KCNQ5: variants seen among roughly 807,000 people sequenced by gnomAD.
The protein encoded by KCNQ5 is potassium voltage-gated channel subfamily Q member 5, also known as potassium voltage-gated channel subfamily KQT member 5.
KCNQ5 carries 30 observed loss-of-function variants against 98.2 expected under a neutral mutation model. The observed-to-expected ratio is 0.31, with a 90% CI of 0.23 to 0.41. The LOEUF is 0.41. KCNQ5 is among the 10% of genes least tolerant of loss of function. KCNQ5 has a pLI of 1.00. For missense variants in KCNQ5, 835 were observed against 1,182.5 expected, an observed-to-expected ratio of 0.71 and a Z score of 4.31; for synonymous variants, 458 against 449.4, an observed-to-expected ratio of 1.02 and a Z score of -0.24.
At chr6:73,056,531 A>G (rs186584063) in intron 3 of KCNQ5, among the ~76,000 whole-genome samples, 3 of 152,254 alleles carry the variant, frequency 2.0e-5, no homozygotes, top group East Asian at 3.9e-4. Context: ...AATATGGGGT[A>G]AGCTCCTTGA....
chr6:72,998,336 T>C (rs1769398120), intron 1 of KCNQ5, among the ~76,000 whole-genome samples: 1 of 152,232 alleles, frequency 6.6e-6, no homozygotes, highest in Admixed American at 6.5e-5. Flanking sequence ...AGAAGCAGGG[T>C]TGAATTTCCT....
At chr6:72,764,965 T>C (rs1159157782) in intron 1 of KCNQ5, among the ~76,000 whole-genome samples, 1 of 152,110 alleles carries the variant, frequency 6.6e-6, no homozygotes, top group Non-Finnish European at 1.5e-5. Flanking sequence ...TTCATTTTTA[T>C]GGCTGAATAA....
At chr6:73,148,593 G>T (rs1271360105) in intron 10 of KCNQ5, among the ~76,000 whole-genome samples, 1 of 152,102 alleles carries the variant, frequency 6.6e-6, no homozygotes, top group Non-Finnish European at 1.5e-5. Context: ...GTGGTTGCAG[G>T]CCCTGTGCAC....
At chr6:73,007,951 A>T (rs1265190113) in intron 2 of KCNQ5, among the ~76,000 whole-genome samples, 1 of 152,162 alleles carries the variant, frequency 6.6e-6, no homozygotes, top group Non-Finnish European at 1.5e-5. Context: ...ATTATGTGAC[A>T]TTAATAACTG....
intron 1 of KCNQ5, among the ~76,000 whole-genome samples, chr6:72,979,290 A>G (rs535343450): frequency 6.6e-6 from 1 of 152,326 alleles, no homozygotes; most frequent in Admixed American, 6.5e-5. Flanking sequence ...TACTCCCACC[A>G]ACAGTGTAAA....
At chr6:73,122,845 T>C (rs907045528) in intron 8 of KCNQ5, among the ~76,000 whole-genome samples, 1 of 152,226 alleles carries the variant, frequency 6.6e-6, no homozygotes, top group African/African-American at 2.4e-5. Flanking sequence ...AAACTTTTGT[T>C]TTACAAAGCA....
intron 1 of KCNQ5, among the ~76,000 whole-genome samples, chr6:72,783,746 A>C (rs1773600741): frequency 6.6e-6 from 1 of 152,222 alleles, no homozygotes; most frequent in African/African-American, 2.4e-5. Context: ...GTTCTGAATA[A>C]ACAGCTTGAG....
chr6:73,017,160 G>A (rs1016584208), intron 2 of KCNQ5, among the ~76,000 whole-genome samples: 4 of 152,212 alleles, frequency 2.6e-5, no homozygotes, highest in East Asian at 1.9e-4. Context: ...ATAAGGCATC[G>A]CCCTGCCCTG....
chr6:72,794,035 C>A (rs1180110954), intron 1 of KCNQ5, among the ~76,000 whole-genome samples: 17 of 152,046 alleles, frequency 1.1e-4, no homozygotes, highest in Admixed American at 1.0e-3. Flanking sequence ...AGTCTCAGAG[C>A]CTGATGTATG....
At chr6:73,165,501 T>C (rs950173675) in intron 10 of KCNQ5, among the ~76,000 whole-genome samples, 1 of 152,182 alleles carries the variant, frequency 6.6e-6, no homozygotes, top group Non-Finnish European at 1.5e-5. Flanking sequence ...CCTTTGGGTG[T>C]GGCCTGGCCC....
At chr6:72,739,414 G>A (rs1475930624) in intron 1 of KCNQ5, among the ~76,000 whole-genome samples, 2 of 152,020 alleles carry the variant, frequency 1.3e-5, no homozygotes, top group East Asian at 3.9e-4. Flanking sequence ...AGAAGACATG[G>A]AAAAAAATCT....
chr6:72,809,470 T>C (rs1775131815), intron 1 of KCNQ5, among the ~76,000 whole-genome samples: 1 of 151,978 alleles, frequency 6.6e-6, no homozygotes, highest in Non-Finnish European at 1.5e-5. Flanking sequence ...GGGAATTGCT[T>C]GAACCAGGGA....
At chr6:72,683,268 TC>T (rs1338480648) in intron 1 of KCNQ5, among the ~76,000 whole-genome samples, 1 of 151,898 alleles carries the variant, frequency 6.6e-6, no homozygotes, top group Non-Finnish European at 1.5e-5. Flanking sequence ...GTACCTGTGG[TC>T]AGAGGAGGGA....
intron 1 of KCNQ5, among the ~76,000 whole-genome samples, chr6:72,632,830 C>A (rs1236828745): frequency 6.9e-6 from 1 of 144,954 alleles, no homozygotes; most frequent in Non-Finnish European, 1.6e-5. Context: ...TCCAAACCAC[C>A]ATTGATGGGC....
intron 1 of KCNQ5, among the ~76,000 whole-genome samples, chr6:72,795,916 C>T (rs1021764475): frequency 5.3e-5 from 8 of 152,030 alleles, no homozygotes; most frequent in African/African-American, 1.4e-4. Flanking sequence ...CACTATTTCT[C>T]CTAATTATTA....
chr6:72,637,866 T>A (rs1246110506), intron 1 of KCNQ5, among the ~76,000 whole-genome samples: 1 of 152,200 alleles, frequency 6.6e-6, no homozygotes, highest in African/African-American at 2.4e-5. Flanking sequence ...GAAATTACAG[T>A]TTGTTTTGGG....
chr6:73,121,422 C>T (rs1048191401), intron 8 of KCNQ5, among the ~76,000 whole-genome samples: 8 of 151,826 alleles, frequency 5.3e-5, no homozygotes, highest in Admixed American at 1.3e-4. Context: ...ATCATATTCA[C>T]CACCTAATTA....
rs572304764 is a variant in KCNQ5, at chr6:72,649,540, A to G, written c.398+26953A>G. On this transcript the variant is annotated intron_variant, in intron 1 of 13. Coordinates refer to ENST00000370398, the MANE Select transcript of KCNQ5 (RefSeq NM_019842.4). Reference sequence around the variant, plus strand: ...CAACTCAGTGAGACTTCCTAAATTCATTGATTTACATACTCTACTAACCAC... The same window carrying G: ...CAACTCAGTGAGACTTCCTAAATTCGTTGATTTACATACTCTACTAACCAC... Among the ~76,000 whole-genome samples the G allele has an allele frequency of 3.9e-5, 6 of 152,260 alleles. No individual in the cohort carries two copies. In the South Asian group the frequency reaches 1.0e-3, roughly 26 times the overall value.
intron 10 of KCNQ5, among the ~76,000 whole-genome samples, chr6:73,144,857 A>G (rs969176637): frequency 1.3e-5 from 2 of 151,096 alleles, no homozygotes; most frequent in African/African-American, 2.4e-5. Context: ...AGAGCAGTAC[A>G]TTGATATCTG....
Sources: gnomAD v4.1 joint callset for allele counts (sites outside exome capture counted in the v4.1 genomes callset) on GRCh38, gnomAD v4.1.1 for gene constraint, MANE v1.5 for transcripts, NCBI Gene and HGNC (gene_info 2026-07-23, HGNC 2026-07-21) for gene names.